The following EIF4G3 variants were observed in gnomAD, a reference collection of about 807,000 sequenced individuals.
The protein encoded by EIF4G3 is eukaryotic translation initiation factor 4 gamma 3.
EIF4G3 carries 34 observed loss-of-function variants against 186.4 expected under a neutral mutation model. The observed-to-expected ratio is 0.18, with a 90% CI of 0.14 to 0.24. EIF4G3 has a LOEUF of 0.24. Among genes scored for constraint, EIF4G3 ranks in the 10% least tolerant of loss-of-function variants. EIF4G3 has a pLI of 1.00. For synonymous variants in EIF4G3, 673 were observed against 679.5 expected (o/e 0.99, Z 0.15); for missense variants, 1,536 against 1,948.5 (o/e 0.79, Z 3.99).
At chr1:21,136,805 C>CA (rs2102592103) in intron 2 of EIF4G3, among the ~76,000 whole-genome samples, 1 of 152,270 alleles carries the variant, frequency 6.6e-6, no homozygotes, top group South Asian at 2.1e-4. Flanking sequence ...ACAGTATTTA[C>CA]ACTTGAATAT....
chr1:20,850,531 C>T (rs2154550363), intron 28 of EIF4G3, among the ~76,000 whole-genome samples: 1 of 152,282 alleles, frequency 6.6e-6, no homozygotes, highest in South Asian at 2.1e-4. Flanking sequence ...TACTTCATGA[C>T]TAATATTTAA....
intron 12 of EIF4G3, among the ~76,000 whole-genome samples, chr1:20,963,037 C>T (rs886934328): frequency 6.6e-6 from 1 of 151,692 alleles, no homozygotes; most frequent in Non-Finnish European, 1.5e-5. Flanking sequence ...CAGGCGTGCA[C>T]CACCATGTCC....
chr1:21,155,370 T>G lies in EIF4G3; in HGVS notation c.-272+20805A>C, dbSNP rs2097639922. 3.9e-5 allele frequency among the ~76,000 whole-genome samples: 6 copies of G among 152,038 alleles called. No individual in the cohort carries two copies. In the South Asian group the frequency reaches 1.2e-3, roughly 32 times the overall value. Reference sequence around the variant, plus strand: ...CAGTTCCTTTTCTTCTGCTTAAAATTTATCAACTAAGGATAGTAATGGAGT... The same window carrying G: ...CAGTTCCTTTTCTTCTGCTTAAAATGTATCAACTAAGGATAGTAATGGAGT... On this transcript the variant is annotated intron_variant, in intron 2 of 36. Transcript: ENST00000602326.
Position 20,885,816 on chromosome 1 carries a change from T to C in EIF4G3, c.2424+385A>G, listed in dbSNP as rs144445811. ...CAAAACAAGATGAGTTTCTAAATTC[T>C]AGCTTATTGGCAATGAAGGCCTGAC... On this transcript the variant is annotated intron_variant, in intron 19 of 36. Coordinates refer to ENST00000602326, the MANE Select transcript of EIF4G3 (RefSeq NM_001391906.1). 3.5e-3 allele frequency among the ~76,000 whole-genome samples: 538 copies of C among 152,370 alleles called. 12 individuals are homozygous for C. Among genetic ancestry groups the C allele is most frequent in the Admixed American group, 0.033 (499 of 15,314 alleles).
chr1:20,985,504 G>C (rs1451265453), intron 7 of EIF4G3, among the ~76,000 whole-genome samples: 2 of 141,290 alleles, frequency 1.4e-5, no homozygotes, highest in African/African-American at 5.1e-5. Context: ...AAGCCGTAAT[G>C]ACTAGAAATG....
chr1:20,816,373 G>T (rs1230911639), intron 34 of EIF4G3, among the ~76,000 whole-genome samples: 1 of 111,888 alleles, frequency 8.9e-6, no homozygotes, highest in African/African-American at 3.2e-5. Flanking sequence ...GAGGTGGGGG[G>T]GTCAGCCCCC....
At chr1:20,904,530 G>A (rs2091475820) in intron 15 of EIF4G3, among the ~76,000 whole-genome samples, 1 of 152,026 alleles carries the variant, frequency 6.6e-6, no homozygotes, top group Non-Finnish European at 1.5e-5. Flanking sequence ...AAACATTTTT[G>A]TACAGTCAGG....
chr1:21,040,086 C>T (rs1332385711), intron 4 of EIF4G3, among the ~76,000 whole-genome samples: 3 of 152,316 alleles, frequency 2.0e-5, no homozygotes, highest in African/African-American at 7.2e-5. Flanking sequence ...CAACGTCTGT[C>T]TTTTTGTATG....
rs909422204 is a variant in EIF4G3, at chr1:20,935,419, A to C, written c.1663+6072T>G. ...ATTTTAATACAGTAATAGAAAATGA[A>C]GAAAAGAAATATATTGAAGGAAATG... On this transcript the variant is annotated intron_variant, in intron 14 of 36. Transcript: ENST00000602326. Among the ~76,000 whole-genome samples the C allele has an allele frequency of 3.9e-5, 6 of 152,324 alleles. No individual in the cohort carries two copies. The East Asian group carries it at 1.2e-3, about 29-fold the overall frequency.
intron 30 of EIF4G3, among the ~76,000 whole-genome samples, chr1:20,839,123 G>GCC (rs1303988439): frequency 6.6e-6 from 1 of 152,142 alleles, no homozygotes; most frequent in Non-Finnish European, 1.5e-5. Context: ...GATTACAGGT[G>GCC]CGTGCCACCA....
At chr1:21,090,346 C>T (rs2101233732) in intron 2 of EIF4G3, among the ~76,000 whole-genome samples, 1 of 152,238 alleles carries the variant, frequency 6.6e-6, no homozygotes, top group Non-Finnish European at 1.5e-5. Context: ...TACATACATG[C>T]TACAACAAAT....
At chr1:21,160,720 C>A (rs1440822935) in intron 2 of EIF4G3, among the ~76,000 whole-genome samples, 1 of 152,076 alleles carries the variant, frequency 6.6e-6, no homozygotes, top group African/African-American at 2.4e-5. Context: ...GTCAAAGTCA[C>A]AAAAGATAAG....
rs376198678 is a variant in EIF4G3, at chr1:20,926,680, G to GAAA, written c.1663+14808_1663+14810dup. ...AGACCCTGTCTCAGAAAAAAGAAAA[G>GAAA]AAAAAAAAAAAAAAACTACAATTTT... On this transcript the variant is annotated intron_variant, in intron 14 of 36. Transcript: ENST00000602326. Among the ~76,000 whole-genome samples, 155 of 124,344 alleles carry GAAA rather than the reference G, an allele frequency of 1.2e-3. 1 individual carries two copies. The highest frequency in any genetic ancestry group is 4.1e-3 in the Middle Eastern group (1 of 242). The allele number at this position is 124,344 out of a possible 152,430, so 81.6% of individuals were successfully genotyped here. A position where few individuals can be genotyped will look rare whatever the true frequency, so the allele number is the denominator to read the frequency against.
chr1:20,986,140 T>C (rs1558575811), intron 7 of EIF4G3, among the ~76,000 whole-genome samples: 2 of 152,202 alleles, frequency 1.3e-5, no homozygotes, highest in East Asian at 3.8e-4. Context: ...GATCTTTTCT[T>C]TCAATCTTGT....
chr1:21,146,613 C>T (rs774821509), intron 2 of EIF4G3, among the ~76,000 whole-genome samples: 13 of 151,704 alleles, frequency 8.6e-5, no homozygotes, highest in African/African-American at 1.7e-4. Flanking sequence ...AAAAATTAAC[C>T]GGGCATGGTG....
At chr1:21,109,123 C>T (rs1164162721) in intron 2 of EIF4G3, among the ~76,000 whole-genome samples, 3 of 152,036 alleles carry the variant, frequency 2.0e-5, no homozygotes, top group Non-Finnish European at 2.9e-5. Flanking sequence ...TAGGCTGACG[C>T]ACAACAATTG....
intron 4 of EIF4G3, among the ~76,000 whole-genome samples, chr1:21,041,800 G>C (rs1318694016): frequency 6.6e-6 from 1 of 152,104 alleles, no homozygotes. Flanking sequence ...GATAGCTTGA[G>C]AGTTCATCAT....
intron 26 of EIF4G3, 30 bp downstream of exon 26, chr1:20,854,948 C>A: frequency 3.2e-6 from 5 of 1,585,966 alleles, no homozygotes; most frequent in Non-Finnish European, 4.3e-6. Flanking sequence ...CAAGCCACAG[C>A]CAGGTTTGAG....
chr1:20,813,047 T>C, intron 35 of EIF4G3, 111 bp downstream of exon 35: 1 of 713,794 alleles, frequency 1.4e-6, no homozygotes, highest in South Asian at 1.8e-5. Flanking sequence ...CACAGAAAAG[T>C]GAGCTACATA....
Sources: gnomAD v4.1 joint callset for allele counts (sites outside exome capture counted in the v4.1 genomes callset) on GRCh38, gnomAD v4.1.1 for gene constraint, MANE v1.5 for transcripts, NCBI Gene and HGNC (gene_info 2026-07-23, HGNC 2026-07-21) for gene names.